The following AGBL4 variants were observed in gnomAD, a reference collection of about 807,000 sequenced individuals.
The protein encoded by AGBL4 is AGBL carboxypeptidase 4, also known as cytosolic carboxypeptidase 6.
In AGBL4, 58 loss-of-function variants were observed where a neutral mutation model predicts 66.4. The observed-to-expected ratio is 0.87, with a 90% confidence interval of 0.71 to 1.09. The LOEUF (loss-of-function observed/expected upper bound fraction) is 1.09. AGBL4 is among the 50% of genes least tolerant of loss of function. The pLI is 0.00. For missense variants in AGBL4, 579 were observed against 631.0 expected, an observed-to-expected ratio of 0.92 and a Z score of 0.88; for synonymous variants, 234 against 222.9, an observed-to-expected ratio of 1.05 and a Z score of -0.44.
intron 9 of AGBL4, among the ~76,000 whole-genome samples, chr1:48,616,209 A>G (rs1645315398): frequency 6.6e-6 from 1 of 152,128 alleles, no homozygotes; most frequent in Admixed American, 6.5e-5. Flanking sequence ...CTCACTCCAG[A>G]CCTACTGATC....
chr1:49,130,610 G>A (rs1490695952), intron 4 of AGBL4, among the ~76,000 whole-genome samples: 1 of 152,046 alleles, frequency 6.6e-6, no homozygotes, highest in African/African-American at 2.4e-5. Flanking sequence ...GTTTGTCAAA[G>A]ATCAGATAGT....
intron 5 of AGBL4, among the ~76,000 whole-genome samples, chr1:48,913,360 A>C (rs117629506): frequency 6.6e-6 from 1 of 152,272 alleles, no homozygotes; most frequent in Admixed American, 6.5e-5. Context: ...GAAGTCCCCA[A>C]ATCCCAGTTC....
intron 1 of AGBL4, among the ~76,000 whole-genome samples, chr1:49,899,522 A>G (rs11205658): frequency 0.18 from 27,258 of 151,744 alleles, 3,200 homozygotes; most frequent in East Asian, 0.42. Context: ...GAAAACAAAA[A>G]CTTAGGTTCA....
intron 1 of AGBL4, among the ~76,000 whole-genome samples, chr1:49,959,494 T>C (rs1656941850): frequency 1.3e-5 from 2 of 152,036 alleles, no homozygotes; most frequent in Non-Finnish European, 1.5e-5. Flanking sequence ...AAGCCAAGAA[T>C]TGAAAATGTG....
rs116314125 is a variant in AGBL4, at chr1:49,432,862, T to C, written c.283-186998A>G. Among the ~76,000 whole-genome samples the C allele has an allele frequency of 9.7e-3, 1,471 of 152,262 alleles. 15 individuals are homozygous for C. The highest frequency in any genetic ancestry group is 0.012 in the Non-Finnish European group (802 of 68,014). On this transcript the variant is annotated intron_variant, in intron 3 of 13. Transcript: ENST00000371839. ...ATAGCTTTAGGATTGGGGCTGGTCATTGAACATACCAAAGAGGCATGATTA... is the reference window on the plus strand; with the variant it reads ...ATAGCTTTAGGATTGGGGCTGGTCACTGAACATACCAAAGAGGCATGATTA...
chr1:49,550,309 C>T (rs561237509), intron 3 of AGBL4, among the ~76,000 whole-genome samples: 1 of 152,284 alleles, frequency 6.6e-6, no homozygotes, highest in East Asian at 1.9e-4. Context: ...GGTACCGTTA[C>T]ATTCATAGTG....
chr1:48,860,699 C>G (rs1647389641), intron 6 of AGBL4, among the ~76,000 whole-genome samples: 1 of 152,158 alleles, frequency 6.6e-6, no homozygotes, highest in South Asian at 2.1e-4. Flanking sequence ...GTCATTGAAT[C>G]TGCAATATAC....
At chr1:48,638,807 G>T (rs1645709232) in intron 8 of AGBL4, among the ~76,000 whole-genome samples, 1 of 152,216 alleles carries the variant, frequency 6.6e-6, no homozygotes, top group Non-Finnish European at 1.5e-5. Flanking sequence ...CATCGAAGAA[G>T]TAGTTGTTGA....
At chr1:49,548,674 T>C (rs1384750000) in intron 3 of AGBL4, among the ~76,000 whole-genome samples, 1 of 152,244 alleles carries the variant, frequency 6.6e-6, no homozygotes, top group Non-Finnish European at 1.5e-5. Context: ...TGAATTTGAT[T>C]AGCTAGTATT....
intron 3 of AGBL4, among the ~76,000 whole-genome samples, chr1:49,512,705 T>G (rs941184708): frequency 2.0e-5 from 3 of 151,876 alleles, no homozygotes; most frequent in African/African-American, 4.8e-5. Context: ...CCCCTTTGCT[T>G]ATTAATTACC....
chr1:49,821,792 T>G (rs1645376357), intron 2 of AGBL4, among the ~76,000 whole-genome samples: 1 of 152,238 alleles, frequency 6.6e-6, no homozygotes, highest in African/African-American at 2.4e-5. Flanking sequence ...TTATGAAAAC[T>G]TGATTATCTA....
chr1:48,537,278 T>G lies in AGBL4; in HGVS notation c.1365-2362A>C, dbSNP rs985029800. Among the ~76,000 whole-genome samples the G allele has an allele frequency of 3.9e-5, 6 of 152,124 alleles. 1 individual carries two copies. Among genetic ancestry groups the G allele is most frequent in the Admixed American group, 2.0e-4 (3 of 15,276 alleles). The stretch of plus-strand genomic sequence containing the variant: ...GGTGTGTGCATAGGGAGGAGGTTAT[T>G]AAGTTTTTTCTTAATTTAAAGGTGG... On this transcript the variant is annotated intron_variant, in intron 12 of 13. Transcript: ENST00000371839.
intron 4 of AGBL4, among the ~76,000 whole-genome samples, chr1:49,191,232 C>T (rs1234091802): frequency 6.6e-6 from 1 of 152,214 alleles, no homozygotes; most frequent in South Asian, 2.1e-4. Flanking sequence ...AAATCAATGT[C>T]TCCCACTGTC....
chr1:49,779,051 C>CT (rs1229112067), intron 2 of AGBL4, among the ~76,000 whole-genome samples: 3 of 152,148 alleles, frequency 2.0e-5, no homozygotes, highest in South Asian at 4.1e-4. Context: ...TTATTGGTGG[C>CT]TAAGAACAGA....
At chr1:49,192,479 A>G (rs1221863804) in intron 4 of AGBL4, among the ~76,000 whole-genome samples, 1 of 152,126 alleles carries the variant, frequency 6.6e-6, no homozygotes, top group East Asian at 1.9e-4. Flanking sequence ...TTGTATTTTT[A>G]GTAGAGACAG....
chr1:50,008,120 A>G (rs1252734489), intron 1 of AGBL4, among the ~76,000 whole-genome samples: 1 of 152,160 alleles, frequency 6.6e-6, no homozygotes, highest in East Asian at 1.9e-4. Context: ...TGGACAGACA[A>G]TCCATACAGA....
At chr1:49,084,086 T>G (rs1033629448) in intron 4 of AGBL4, among the ~76,000 whole-genome samples, 5 of 143,372 alleles carry the variant, frequency 3.5e-5, no homozygotes, top group African/African-American at 1.3e-4. Context: ...CTATCAGCAT[T>G]TTGGCCAAAG....
At chr1:48,699,735 A>C (rs1044189181) in intron 6 of AGBL4, among the ~76,000 whole-genome samples, 1 of 152,116 alleles carries the variant, frequency 6.6e-6, no homozygotes, top group Non-Finnish European at 1.5e-5. Context: ...CAAAGGGTGA[A>C]GTTTTCAGTA....
At chr1:49,647,681 C>T (rs1027239447) in intron 3 of AGBL4, among the ~76,000 whole-genome samples, 3 of 152,036 alleles carry the variant, frequency 2.0e-5, no homozygotes, top group East Asian at 3.9e-4. Context: ...AAGGTCTTCT[C>T]TCAGGAGAAA....
Sources: gnomAD v4.1 joint callset for allele counts (sites outside exome capture counted in the v4.1 genomes callset) on GRCh38, gnomAD v4.1.1 for gene constraint, MANE v1.5 for transcripts, NCBI Gene and HGNC (gene_info 2026-07-23, HGNC 2026-07-21) for gene names.